The following BTBD9 variants were observed in gnomAD, a reference collection of about 807,000 sequenced individuals.
BTBD9 encodes the protein BTB/POZ domain-containing protein 9.
BTBD9 carries 49 observed loss-of-function variants against 64.3 expected under a neutral mutation model. The ratio of observed to expected loss-of-function variants is 0.76; its 90% confidence interval spans 0.61 to 0.97. The LOEUF (loss-of-function observed/expected upper bound fraction) is 0.97, where lower values mean the gene tolerates loss of function less well. BTBD9 is among the 50% of genes least tolerant of loss of function. The probability of loss-of-function intolerance (pLI) is 0.00; values close to 1 mark genes in which losing one functional copy is unlikely to be tolerated. For synonymous variants in BTBD9, 260 were observed against 274.7 expected, an observed-to-expected ratio of 0.95 and a Z score of 0.53; for missense variants, 598 against 762.1, an observed-to-expected ratio of 0.78 and a Z score of 2.53.
intron 6 of BTBD9, among the ~76,000 whole-genome samples, chr6:38,551,054 G>T (rs1455271157): frequency 1.3e-5 from 2 of 152,138 alleles, no homozygotes; most frequent in Admixed American, 1.3e-4. Context: ...TCTTTACTCA[G>T]ATGTCACCTT....
intron 6 of BTBD9, among the ~76,000 whole-genome samples, chr6:38,461,112 T>C (rs1770065556): frequency 6.6e-6 from 1 of 152,234 alleles, no homozygotes; most frequent in African/African-American, 2.4e-5. Flanking sequence ...AGTTTTATAG[T>C]TACAGACCTC....
intron 1 of BTBD9, among the ~76,000 whole-genome samples, chr6:38,616,882 A>G (rs1582723254): frequency 6.6e-6 from 1 of 152,176 alleles, no homozygotes; most frequent in African/African-American, 2.4e-5. Context: ...TAACACCACA[A>G]AGGTCCGCAG....
At chr6:38,249,488 A>T (rs560033587) in intron 9 of BTBD9, among the ~76,000 whole-genome samples, 7 of 150,754 alleles carry the variant, frequency 4.6e-5, no homozygotes, top group African/African-American at 7.3e-5. Flanking sequence ...CTGGTCTTGA[A>T]CTCCTGGCCT....
intron 8 of BTBD9, among the ~76,000 whole-genome samples, chr6:38,279,772 C>T (rs150617782): frequency 6.6e-6 from 1 of 152,228 alleles, no homozygotes; most frequent in East Asian, 1.9e-4. Context: ...TTAAAGAGTT[C>T]TTAACAATTC....
chr6:38,203,613 TG>T (rs1399550309), intron 9 of BTBD9, among the ~76,000 whole-genome samples: 30 of 152,238 alleles, frequency 2.0e-4, no homozygotes, highest in African/African-American at 7.2e-4. Flanking sequence ...CGGATGAAAC[TG>T]AAGGTCATTA....
chr6:38,317,161 C>T (rs1464300321), intron 7 of BTBD9, among the ~76,000 whole-genome samples: 4 of 151,856 alleles, frequency 2.6e-5, no homozygotes, highest in African/African-American at 9.7e-5. Context: ...ATGCTCAGTC[C>T]ATTTTTGGTA....
In BTBD9 at chr6:38,256,527, G is replaced by A; in HGVS notation, c.1455-11C>T. ...TCCCAAAGTAGTAACCTGAACAAAG[G>A]GAAAAACATAAGATTGCTGTAAATG... is the stretch of plus-strand genomic sequence containing the variant. On this transcript the variant is annotated splice_polypyrimidine_tract_variant and intron_variant, in intron 8 of 10. Transcript: ENST00000481247. The A allele has an allele frequency of 6.3e-7, 1 of 1,579,930 alleles. No homozygotes were observed. Among genetic ancestry groups the A allele is most frequent in the East Asian group, 2.2e-5 (1 of 44,688 alleles).
intron 1 of BTBD9, among the ~76,000 whole-genome samples, chr6:38,622,661 C>T (rs1011816868): frequency 6.6e-6 from 1 of 152,188 alleles, no homozygotes; most frequent in Non-Finnish European, 1.5e-5. Context: ...CCACGAACAC[C>T]GTGTTAACTT....
At chr6:38,565,682 G>C (rs1434819818) in intron 6 of BTBD9, among the ~76,000 whole-genome samples, 2 of 152,166 alleles carry the variant, frequency 1.3e-5, no homozygotes, top group Non-Finnish European at 2.9e-5. Flanking sequence ...TGATAACAAT[G>C]TGGGAAAATG....
intron 6 of BTBD9, among the ~76,000 whole-genome samples, chr6:38,542,691 A>T (rs774705559): frequency 3.9e-5 from 6 of 152,196 alleles, no homozygotes; most frequent in Non-Finnish European, 7.3e-5. Context: ...TTGGAAAATT[A>T]AAAAAGCTGG....
chr6:38,229,488 A>G (rs1763524493), intron 9 of BTBD9, among the ~76,000 whole-genome samples: 2 of 152,118 alleles, frequency 1.3e-5, no homozygotes, highest in Admixed American at 1.3e-4. Context: ...CCCCCATGAA[A>G]CAGTTTCCTG....
intron 7 of BTBD9, among the ~76,000 whole-genome samples, chr6:38,331,440 T>C (rs1763672320): frequency 6.6e-6 from 1 of 152,134 alleles, no homozygotes; most frequent in Non-Finnish European, 1.5e-5. Context: ...ATCACGCCAC[T>C]GCACTCCAGC....
At chr6:38,526,272 T>TTCTA (rs1773485322) in intron 6 of BTBD9, among the ~76,000 whole-genome samples, 2 of 152,190 alleles carry the variant, frequency 1.3e-5, no homozygotes, top group African/African-American at 4.8e-5. Flanking sequence ...CTCCAAACAC[T>TTCTA]GGCGGCTTCT....
chr6:38,472,379 A>G (rs1374877665), intron 6 of BTBD9, among the ~76,000 whole-genome samples: 1 of 152,212 alleles, frequency 6.6e-6, no homozygotes, highest in African/African-American at 2.4e-5. Flanking sequence ...GCATGAAACA[A>G]TAAGTTAGAA....
At chr6:38,495,278 A>C (rs1771901548) in intron 6 of BTBD9, among the ~76,000 whole-genome samples, 1 of 152,214 alleles carries the variant, frequency 6.6e-6, no homozygotes, top group Non-Finnish European at 1.5e-5. Context: ...ATTCATTGTA[A>C]TGATGCAAAT....
intron 6 of BTBD9, among the ~76,000 whole-genome samples, chr6:38,573,476 C>T (rs913501834): frequency 6.6e-6 from 1 of 152,166 alleles, no homozygotes; most frequent in African/African-American, 2.4e-5. Flanking sequence ...CCCTGTCTGG[C>T]CTTGTCTCCA....
intron 8 of BTBD9, among the ~76,000 whole-genome samples, chr6:38,287,013 C>G (rs1331196715): frequency 7.6e-6 from 1 of 130,880 alleles, no homozygotes; most frequent in Non-Finnish European, 1.5e-5. Context: ...ACCTGGGAGG[C>G]AGAGGTTGCG....
intron 1 of BTBD9, among the ~76,000 whole-genome samples, chr6:38,633,157 G>A (rs1314552365): frequency 2.6e-5 from 4 of 152,098 alleles, no homozygotes; most frequent in Non-Finnish European, 1.5e-5. Context: ...ACTTCCTCCA[G>A]TAACTTTTCC....
chr6:38,356,714 T>C (rs558211924), intron 6 of BTBD9, among the ~76,000 whole-genome samples: 2 of 152,330 alleles, frequency 1.3e-5, no homozygotes, highest in South Asian at 2.1e-4. Context: ...AAGAATATAG[T>C]GAGGCTCATA....
Sources: gnomAD v4.1 joint callset for allele counts (sites outside exome capture counted in the v4.1 genomes callset) on GRCh38, gnomAD v4.1.1 for gene constraint, MANE v1.5 for transcripts, NCBI Gene and HGNC (gene_info 2026-07-23, HGNC 2026-07-21) for gene names.